Variants in EXOC4 observed in about 807,000 individuals in gnomAD.
EXOC4 encodes the protein exocyst complex component 4, also known as SEC8-like 1.
A neutral mutation model predicts 107.2 loss-of-function variants in EXOC4; 71 were observed. That is an observed-to-expected ratio of 0.66 (90% CI 0.55 to 0.81). The LOEUF is 0.81. Among genes scored for constraint, EXOC4 ranks in the 30% least tolerant of loss-of-function variants. The probability of loss-of-function intolerance (pLI) is 0.00; values close to 1 mark genes in which losing one functional copy is unlikely to be tolerated. For synonymous variants in EXOC4, 456 were observed against 441.2 expected (o/e 1.03, Z -0.42); for missense variants, 1,108 against 1,189.6 (o/e 0.93, Z 1.01).
intron 10 of EXOC4, among the ~76,000 whole-genome samples, chr7:133,699,208 G>A (rs1425149967): frequency 1.3e-5 from 2 of 151,562 alleles, no homozygotes; most frequent in Admixed American, 1.3e-4. Context: ...TTTGCTCCTG[G>A]AGCAAATTGG....
intron 10 of EXOC4, among the ~76,000 whole-genome samples, chr7:133,695,097 C>T (rs1271251932): frequency 6.6e-6 from 1 of 152,184 alleles, no homozygotes; most frequent in Admixed American, 6.5e-5. Flanking sequence ...GCTGGAGTTA[C>T]AGGTGTGAGC....
chr7:134,042,839 C>A lies in EXOC4; in HGVS notation c.2688-21452C>A, dbSNP rs369388578. 3.0e-4 allele frequency among the ~76,000 whole-genome samples: 46 copies of A among 152,304 alleles called. No homozygotes were observed. The East Asian group carries it at 8.9e-3, about 29-fold the overall frequency. On this transcript the variant is annotated intron_variant, in intron 17 of 17. Transcript: ENST00000253861. ...ATCACCTGAGGTCAGGAGTTCGAGA[C>A]CAGCCTGGCCAACATGGCAAAACCC...
intron 12 of EXOC4, among the ~76,000 whole-genome samples, chr7:133,905,473 AG>A (rs1445595907): frequency 3.9e-5 from 6 of 152,040 alleles, no homozygotes; most frequent in Non-Finnish European, 8.8e-5. Context: ...TTGGCCCATG[AG>A]TTGCCTACTT....
chr7:133,796,286 T>C (rs1206825557), intron 10 of EXOC4, among the ~76,000 whole-genome samples: 1 of 152,176 alleles, frequency 6.6e-6, no homozygotes, highest in African/African-American at 2.4e-5. Context: ...AGGTTGCCTT[T>C]TTCCTTGAGT....
chr7:133,695,118 G>A (rs1158890902), intron 10 of EXOC4, among the ~76,000 whole-genome samples: 2 of 151,838 alleles, frequency 1.3e-5, no homozygotes, highest in South Asian at 2.1e-4. Context: ...CACTGCGCCC[G>A]GCCCCCACTA....
intron 11 of EXOC4, among the ~76,000 whole-genome samples, chr7:133,832,849 G>T (rs1239460062): frequency 6.6e-6 from 1 of 152,064 alleles, no homozygotes; most frequent in Non-Finnish European, 1.5e-5. Context: ...TGGGCTTGTG[G>T]TGGTGGTAGG....
chr7:133,854,445 C>G, intron 11 of EXOC4, among the ~76,000 whole-genome samples: 1 of 151,200 alleles, frequency 6.6e-6, no homozygotes, highest in South Asian at 2.1e-4. Context: ...CACACACACA[C>G]ACACATACAT....
chr7:133,855,086 TATATAAATATATATATAAATATATATAA>T (rs1563028395), intron 11 of EXOC4, among the ~76,000 whole-genome samples: 2 of 87,846 alleles, frequency 2.3e-5, no homozygotes, highest in Non-Finnish European at 4.1e-5. Flanking sequence ...TATCTAAATA[TATATAAATATATATATAAATATATATAA>T]ATATATATAT....
intron 9 of EXOC4, among the ~76,000 whole-genome samples, chr7:133,513,514 C>A (rs754064073): frequency 1.9e-4 from 29 of 152,202 alleles, no homozygotes; most frequent in Non-Finnish European, 3.4e-4. Context: ...TTATCAGCTT[C>A]AAACAGCATA....
intron 5 of EXOC4, among the ~76,000 whole-genome samples, chr7:133,329,666 C>G (rs1795333433): frequency 6.6e-6 from 1 of 152,184 alleles, no homozygotes. Flanking sequence ...AGTTTTCCTT[C>G]TAACAGTCAG....
At chr7:133,971,361 T>TATAGAGAG (rs1489958236) in intron 14 of EXOC4, among the ~76,000 whole-genome samples, 61 of 75,058 alleles carry the variant, frequency 8.1e-4, no homozygotes, top group African/African-American at 2.3e-3. Flanking sequence ...TATATATATA[T>TATAGAGAG]AGAGAGAGAG....
intron 10 of EXOC4, among the ~76,000 whole-genome samples, chr7:133,762,420 A>C (rs541069189): frequency 1.3e-5 from 2 of 152,230 alleles, no homozygotes; most frequent in African/African-American, 4.8e-5. Flanking sequence ...AAAATAAGAA[A>C]CCTTTTTTTT....
intron 17 of EXOC4, among the ~76,000 whole-genome samples, chr7:134,024,672 G>T (rs1795099246): frequency 6.6e-6 from 1 of 152,142 alleles, no homozygotes; most frequent in Admixed American, 6.5e-5. Flanking sequence ...GAAACAAAGT[G>T]CATCTTCCAT....
chr7:133,979,127 C>A (rs552538268), intron 14 of EXOC4, among the ~76,000 whole-genome samples: 2 of 152,286 alleles, frequency 1.3e-5, no homozygotes, highest in South Asian at 4.1e-4. Context: ...TAGTGGAAAA[C>A]CTGATTTGTC....
intron 8 of EXOC4, 48 bp downstream of exon 8, chr7:133,475,521 A>G: frequency 6.5e-7 from 1 of 1,541,248 alleles, no homozygotes; most frequent in African/African-American, 1.4e-5. Context: ...GTTAGACTGA[A>G]GTAAGATGAC....
chr7:133,295,331 G>A (rs748832913), intron 3 of EXOC4, among the ~76,000 whole-genome samples: 1 of 152,052 alleles, frequency 6.6e-6, no homozygotes, highest in Non-Finnish European at 1.5e-5. Context: ...ACAATTCTGT[G>A]TTACATTTCT....
intron 9 of EXOC4, among the ~76,000 whole-genome samples, chr7:133,600,924 T>C (rs6963496): frequency 0.87 from 132,460 of 152,222 alleles, 57,761 homozygotes; most frequent in Admixed American, 0.89. Flanking sequence ...GTATCAACTA[T>C]GTATAGATTA....
chr7:133,546,331 C>T (rs1292935665), intron 9 of EXOC4, among the ~76,000 whole-genome samples: 2 of 149,062 alleles, frequency 1.3e-5, no homozygotes, highest in Non-Finnish European at 3.0e-5. Context: ...ATCTTGGTCA[C>T]TGCAGCCTCT....
At position 134,032,970 on chromosome 7, in the gene EXOC4, TTACTG is replaced by T. The variant is rs149701701; in HGVS notation, c.2687+25140_2687+25144del. Among the ~76,000 whole-genome samples the T allele has an allele frequency of 1.9e-3, 291 of 152,294 alleles. 1 individual carries two copies. The highest frequency in any genetic ancestry group is 3.0e-3 in the Non-Finnish European group (204 of 68,038). Reference sequence around the variant, plus strand: ...TGTAGGGTATAAGATGGCAGACTCATTACTGTACTTTCACAGAGAAACAAAAAGGA... The same window carrying T: ...TGTAGGGTATAAGATGGCAGACTCATTACTTTCACAGAGAAACAAAAAGGA... On this transcript the variant is annotated intron_variant, in intron 17 of 17. Transcript: ENST00000253861.
Sources: gnomAD v4.1 joint callset for allele counts (sites outside exome capture counted in the v4.1 genomes callset) on GRCh38, gnomAD v4.1.1 for gene constraint, MANE v1.5 for transcripts, NCBI Gene and HGNC (gene_info 2026-07-23, HGNC 2026-07-21) for gene names.